Variants in PKHD1 observed in about 807,000 individuals in gnomAD.
PKHD1 encodes fibrocystin.
A neutral mutation model predicts 412.0 loss-of-function variants in PKHD1; 291 were observed. That is an observed-to-expected ratio of 0.71 (90% CI 0.64 to 0.78). PKHD1 has a LOEUF of 0.78. Ranked by LOEUF, PKHD1 falls within the 30% of genes least tolerant of loss-of-function variation. PKHD1 has a pLI of 0.00. For synonymous variants in PKHD1, 1,777 were observed against 1,821.5 expected (o/e 0.98, Z 0.62); for missense variants, 4,825 against 4,950.7 (o/e 0.97, Z 0.76).
chr6:51,733,041 G>C (rs933604000), intron 60 of PKHD1, among the ~76,000 whole-genome samples: 2 of 152,180 alleles, frequency 1.3e-5, no homozygotes, highest in Non-Finnish European at 2.9e-5. Flanking sequence ...CTACTTATAT[G>C]AGGTACTTAA....
chr6:51,915,925 G>A (rs1473787820), intron 37 of PKHD1, among the ~76,000 whole-genome samples: 1 of 152,024 alleles, frequency 6.6e-6, no homozygotes, highest in East Asian at 1.9e-4. Flanking sequence ...TGTGAGAGTT[G>A]GGGGCCTCAG....
At chr6:52,003,932 G>A (rs1798746329) in intron 35 of PKHD1, among the ~76,000 whole-genome samples, 1 of 152,084 alleles carries the variant, frequency 6.6e-6, no homozygotes, top group African/African-American at 2.4e-5. Flanking sequence ...TGTTAATTTG[G>A]AATAACTGAC....
intron 41 of PKHD1, among the ~76,000 whole-genome samples, chr6:51,904,507 T>A (rs1310680416): frequency 6.6e-6 from 1 of 152,136 alleles, no homozygotes; most frequent in Non-Finnish European, 1.5e-5. Flanking sequence ...GAGAAATTAG[T>A]CACTTAAGGG....
intron 14 of PKHD1, among the ~76,000 whole-genome samples, chr6:52,060,307 C>T (rs74734237): frequency 3.4e-4 from 52 of 152,290 alleles, no homozygotes; most frequent in Non-Finnish European, 5.9e-4. Context: ...CACAGCTATA[C>T]GGAAGCTTAG....
chr6:51,931,638 T>C (rs1380917295), intron 37 of PKHD1, among the ~76,000 whole-genome samples: 4 of 152,154 alleles, frequency 2.6e-5, no homozygotes, highest in Non-Finnish European at 2.9e-5. Flanking sequence ...CTACATAATA[T>C]TTGTTTCAAA....
At chr6:51,991,353 G>A (rs900401504) in intron 35 of PKHD1, among the ~76,000 whole-genome samples, 7 of 152,128 alleles carry the variant, frequency 4.6e-5, no homozygotes, top group African/African-American at 1.4e-4. Context: ...GATGCCTCAC[G>A]CCTTCTAGAA....
chr6:51,692,824 G>A (rs1397691965), intron 60 of PKHD1, among the ~76,000 whole-genome samples: 1 of 151,942 alleles, frequency 6.6e-6, no homozygotes, highest in Admixed American at 6.6e-5. Flanking sequence ...TCAATCCACT[G>A]ACATCTAGAT....
intron 55 of PKHD1, among the ~76,000 whole-genome samples, chr6:51,768,638 G>C (rs1039930084): frequency 6.6e-6 from 1 of 151,832 alleles, no homozygotes; most frequent in African/African-American, 2.4e-5. Context: ...TAAAAAGATA[G>C]TTTGGATTAT....
rs1379922459 is a variant in PKHD1, at chr6:52,043,116, A to G, written c.2840T>C (p.Met947Thr). Residue 947 changes from methionine (M) to threonine (T), a missense_variant, in exon 27 of 67, where the codon ATG becomes ACG. Coordinates refer to ENST00000371117, the MANE Select transcript of PKHD1 (RefSeq NM_138694.4). ...GAAACCAGTTCCGGTAATGTAAATCATTAGGTTGATGTCACCATCTTAAAG... is the reference window on the plus strand; with the variant it reads ...GAAACCAGTTCCGGTAATGTAAATCGTTAGGTTGATGTCACCATCTTAAAG... Reference protein sequence around the residue: ...WYSIDGDINLMIYITGTGFSG... With the variant: ...WYSIDGDINLTIYITGTGFSG... 6.2e-7 allele frequency: 1 copy of G among 1,612,830 alleles called. No homozygotes were observed. Among genetic ancestry groups the G allele is most frequent in the Admixed American group, 1.7e-5 (1 of 59,962 alleles).
At chr6:51,787,250 T>C (rs568605978) in intron 53 of PKHD1, among the ~76,000 whole-genome samples, 1 of 151,824 alleles carries the variant, frequency 6.6e-6, no homozygotes, top group South Asian at 2.1e-4. Context: ...TCCCAGCTAC[T>C]TGGGAGGCTG....
chr6:51,903,235 C>T (rs756624710), intron 43 of PKHD1, among the ~76,000 whole-genome samples: 1 of 152,120 alleles, frequency 6.6e-6, no homozygotes, highest in South Asian at 2.1e-4. Context: ...TTTCTTGATA[C>T]TAATATGCAG....
intron 34 of PKHD1, among the ~76,000 whole-genome samples, chr6:52,014,156 C>T (rs561200622): frequency 2.0e-5 from 3 of 152,220 alleles, no homozygotes; most frequent in East Asian, 1.9e-4. Context: ...TCTCAGTCTA[C>T]TCCCACCCTC....
At chr6:51,733,713 G>T (rs967622753) in intron 60 of PKHD1, among the ~76,000 whole-genome samples, 1 of 152,086 alleles carries the variant, frequency 6.6e-6, no homozygotes, top group South Asian at 2.1e-4. Flanking sequence ...TAAAATCATT[G>T]TCTTACTGTC....
intron 36 of PKHD1, among the ~76,000 whole-genome samples, chr6:51,958,066 C>T (rs949572541): frequency 3.3e-5 from 5 of 152,104 alleles, no homozygotes; most frequent in African/African-American, 1.2e-4. Context: ...TGTCCTTGCC[C>T]TGTTCTCATT....
chr6:51,763,609 A>G (rs1788417097), intron 55 of PKHD1, among the ~76,000 whole-genome samples: 1 of 152,148 alleles, frequency 6.6e-6, no homozygotes, highest in African/African-American at 2.4e-5. Context: ...TGAATTCATA[A>G]TCTTTTCTCT....
chr6:51,891,712 AACACACACACACACAC>A lies in PKHD1; in HGVS notation c.6997-4483_6997-4468del, dbSNP rs58262423. On this transcript the variant is annotated intron_variant, in intron 43 of 66. Transcript: ENST00000371117. ...TGAATGTACCACATGTTCCACAAGG[AACACACACACACACAC>A]ACACACACACACACACACACATTCA... Among the ~76,000 whole-genome samples, 3 of 143,746 alleles carry A rather than the reference AACACACACACACACAC, an allele frequency of 2.1e-5. No individual in the cohort carries two copies. In the Admixed American group the frequency reaches 2.1e-4, roughly 10 times the overall value. 94.3% of individuals were successfully genotyped at this position (143,746 alleles called of 152,430 possible).
At chr6:52,085,545 T>C (rs1164084233) in intron 1 of PKHD1, among the ~76,000 whole-genome samples, 1 of 152,204 alleles carries the variant, frequency 6.6e-6, no homozygotes, top group Non-Finnish European at 1.5e-5. Context: ...ACCTTCGTGG[T>C]GCTGCTCAGG....
At chr6:51,946,424 T>TA (rs1157217465) in intron 36 of PKHD1, among the ~76,000 whole-genome samples, 2 of 152,224 alleles carry the variant, frequency 1.3e-5, no homozygotes, top group Admixed American at 1.3e-4. Context: ...TGAAAGAAGA[T>TA]AAAGTTTATA....
At chr6:51,792,761 A>T (rs1018145238) in intron 52 of PKHD1, among the ~76,000 whole-genome samples, 2 of 152,188 alleles carry the variant, frequency 1.3e-5, no homozygotes, top group African/African-American at 4.8e-5. Flanking sequence ...TCAGGATGCA[A>T]AGCAAGCATT....
Sources: gnomAD v4.1 joint callset for allele counts (sites outside exome capture counted in the v4.1 genomes callset) on GRCh38, gnomAD v4.1.1 for gene constraint, MANE v1.5 for transcripts, NCBI Gene and HGNC (gene_info 2026-07-23, HGNC 2026-07-21) for gene names.